FILIP1L: variants seen among roughly 807,000 people sequenced by gnomAD.
The protein encoded by FILIP1L is filamin A interacting protein 1 like, also known as filamin A-interacting protein 1-like.
FILIP1L carries 55 observed loss-of-function variants against 96.6 expected under a neutral mutation model. The ratio of observed to expected loss-of-function variants is 0.57; its 90% CI spans 0.46 to 0.71. The LOEUF (loss-of-function observed/expected upper bound fraction) is 0.71, where lower values mean the gene tolerates loss of function less well. Among genes scored for constraint, FILIP1L ranks in the 30% least tolerant of loss-of-function variants. The probability of loss-of-function intolerance (pLI) is 0.00; values close to 1 mark genes in which losing one functional copy is unlikely to be tolerated. For synonymous variants in FILIP1L, 467 were observed against 473.9 expected (o/e 0.99, Z 0.19); for missense variants, 1,304 against 1,321.2 (o/e 0.99, Z 0.20).
intron 1 of FILIP1L, among the ~76,000 whole-genome samples, chr3:99,937,788 T>G (rs1032877540): frequency 1.3e-5 from 2 of 152,080 alleles, no homozygotes; most frequent in Admixed American, 6.5e-5. Context: ...TGGCTAGAAA[T>G]TAGAAAAAGG....
At position 99,880,218 on chromosome 3, in the gene FILIP1L, C is replaced by A. The variant is rs570889468; in HGVS notation, c.606-29148G>T. ...AGACAATCATTTTTCTAATCAACCT[C>A]ATTTCTTCACTCTTCTTTCACTCTT... On this transcript the variant is annotated intron_variant, in intron 4 of 5. Coordinates refer to ENST00000477258, the MANE Select transcript of FILIP1L (RefSeq NM_001387850.1). Among the ~76,000 whole-genome samples the A allele has an allele frequency of 3.9e-5, 6 of 152,286 alleles. No homozygotes were observed. In the South Asian group the frequency reaches 1.2e-3, roughly 32 times the overall value.
chr3:99,837,582 T>C (rs1488517418), intron 5 of FILIP1L, among the ~76,000 whole-genome samples: 2 of 152,216 alleles, frequency 1.3e-5, no homozygotes, highest in African/African-American at 4.8e-5. Context: ...TTGACAACTT[T>C]CCTTTGCAGT....
In FILIP1L at chr3:99,829,471, G is replaced by T. The variant is rs1341088864; in HGVS notation, c.*943C>A. On this transcript the variant is annotated 3_prime_UTR_variant, in exon 6 of 6. Coordinates refer to ENST00000477258, the MANE Select transcript of FILIP1L (RefSeq NM_001387850.1). ...ATTCAACATTTTGTATTAATAGTTG[G>T]GCATATTCATAGGTTATCAGAACTG... Among the ~76,000 whole-genome samples, 1 of 152,052 alleles carries T rather than the reference G, an allele frequency of 6.6e-6. No homozygotes were observed. The highest frequency in any genetic ancestry group is 1.5e-5 in the Non-Finnish European group (1 of 68,018).
intron 4 of FILIP1L, among the ~76,000 whole-genome samples, chr3:99,903,600 A>G (rs1214778464): frequency 6.6e-6 from 1 of 152,148 alleles, no homozygotes; most frequent in Non-Finnish European, 1.5e-5. Flanking sequence ...GGACCAAAAA[A>G]AAAGTAGGTT....
intron 1 of FILIP1L, among the ~76,000 whole-genome samples, chr3:99,945,168 G>C (rs758690273): frequency 1.3e-5 from 2 of 152,114 alleles, no homozygotes; most frequent in African/African-American, 2.4e-5. Flanking sequence ...CTATGAGTTC[G>C]GGTTAAGTCC....
intron 1 of FILIP1L, among the ~76,000 whole-genome samples, chr3:99,961,540 G>A (rs913457060): frequency 1.3e-5 from 2 of 152,182 alleles, no homozygotes; most frequent in Non-Finnish European, 1.5e-5. Flanking sequence ...ATCCAGTGAC[G>A]TGCAGCTGAA....
chr3:100,080,303 C>T (rs949803358), intron 1 of FILIP1L, among the ~76,000 whole-genome samples: 3 of 150,614 alleles, frequency 2.0e-5, no homozygotes, highest in Non-Finnish European at 4.4e-5. Flanking sequence ...TTAAAGCTCT[C>T]ATAACCTAGC....
At chr3:99,953,864 T>G (rs1244033718) in intron 1 of FILIP1L, among the ~76,000 whole-genome samples, 2 of 152,200 alleles carry the variant, frequency 1.3e-5, no homozygotes, top group Non-Finnish European at 2.9e-5. Flanking sequence ...ACAAATAGTC[T>G]GCCCATGCTG....
intron 1 of FILIP1L, among the ~76,000 whole-genome samples, chr3:99,966,313 C>A (rs1186544782): frequency 6.6e-6 from 1 of 152,150 alleles, no homozygotes. Flanking sequence ...GCAGCCTCCA[C>A]CACCAGTAGC....
intron 1 of FILIP1L, among the ~76,000 whole-genome samples, chr3:100,111,492 C>T (rs1399143320): frequency 5.3e-5 from 8 of 152,084 alleles, no homozygotes; most frequent in South Asian, 2.1e-4. Context: ...AATTGATATG[C>T]GAGTTTTATA....
chr3:99,855,191 T>G (rs1244760481), intron 4 of FILIP1L, among the ~76,000 whole-genome samples: 3 of 152,170 alleles, frequency 2.0e-5, no homozygotes, highest in Admixed American at 6.5e-5. Flanking sequence ...GACCACCCAT[T>G]TTTTTCAAAG....
At chr3:99,875,075 A>G (rs1292188787) in intron 4 of FILIP1L, among the ~76,000 whole-genome samples, 1 of 152,246 alleles carries the variant, frequency 6.6e-6, no homozygotes, top group Non-Finnish European at 1.5e-5. Flanking sequence ...ATTTTACAAT[A>G]TATGTTTAGA....
chr3:99,868,874 T>C (rs1944645664), intron 4 of FILIP1L, among the ~76,000 whole-genome samples: 2 of 152,224 alleles, frequency 1.3e-5, no homozygotes, highest in African/African-American at 4.8e-5. Context: ...CTTTATTACC[T>C]AAATATTCTA....
chr3:100,044,182 T>C (rs1035755069), intron 1 of FILIP1L, among the ~76,000 whole-genome samples: 2 of 152,212 alleles, frequency 1.3e-5, no homozygotes, highest in Non-Finnish European at 2.9e-5. Context: ...ACTTGCCTCG[T>C]TTATTCATTT....
At chr3:100,106,371 C>T (rs780612859) in intron 1 of FILIP1L, among the ~76,000 whole-genome samples, 1 of 152,078 alleles carries the variant, frequency 6.6e-6, no homozygotes, top group African/African-American at 2.4e-5. Context: ...TGGATCTGTT[C>T]CAAGGACCCT....
chr3:99,863,396 A>T (rs1276488369), intron 4 of FILIP1L, among the ~76,000 whole-genome samples: 1 of 152,118 alleles, frequency 6.6e-6, no homozygotes, highest in Non-Finnish European at 1.5e-5. Context: ...GGACTCCTGT[A>T]CGTGGGGACT....
In FILIP1L at chr3:99,850,123, A is replaced by G; in HGVS notation, c.1553T>C (p.Leu518Ser). Residue 518 changes from leucine (L) to serine (S), a missense_variant, in exon 5 of 6, where the codon TTA becomes TCA. Coordinates refer to ENST00000477258, the MANE Select transcript of FILIP1L (RefSeq NM_001387850.1). ...TTGAAGCTGAGAAGAAGCAGCTTGTAATTTATCTTCAGTTTTCTTTAATTT... is the reference window on the plus strand; with the variant it reads ...TTGAAGCTGAGAAGAAGCAGCTTGTGATTTATCTTCAGTTTTCTTTAATTT... ...SEKLKKTEDK[L>S]QAASSQLQVE... 2 of 1,612,598 alleles carry G rather than the reference A, an allele frequency of 1.2e-6. No homozygotes were observed. Among genetic ancestry groups the G allele is most frequent in the Non-Finnish European group, 1.7e-6 (2 of 1,179,730 alleles).
At chr3:100,071,502 AT>A (rs938404001) in intron 1 of FILIP1L, among the ~76,000 whole-genome samples, 1 of 152,104 alleles carries the variant, frequency 6.6e-6, no homozygotes, top group African/African-American at 2.4e-5. Context: ...ATTCACTAAA[AT>A]TTACATGGGA....
At chr3:99,847,929 A>G in intron 5 of FILIP1L, 1 of 995,776 alleles carries the variant, frequency 1.0e-6, no homozygotes, top group Non-Finnish European at 1.2e-6. Flanking sequence ...AAGCAATGGT[A>G]AAAATAACAA....
Sources: gnomAD v4.1 joint callset for allele counts (sites outside exome capture counted in the v4.1 genomes callset) on GRCh38, gnomAD v4.1.1 for gene constraint, MANE v1.5 for transcripts, NCBI Gene and HGNC (gene_info 2026-07-23, HGNC 2026-07-21) for gene names.